The following MAGI3 variants were observed in gnomAD, a reference collection of about 807,000 sequenced individuals.
The protein encoded by MAGI3 is membrane-associated guanylate kinase, WW and PDZ domain-containing protein 3.
MAGI3 carries 43 observed loss-of-function variants against 121.8 expected under a neutral mutation model. The observed-to-expected ratio is 0.35, with a 90% CI of 0.28 to 0.46. The LOEUF is 0.46. MAGI3 is among the 20% of genes least tolerant of loss of function. The probability of loss-of-function intolerance (pLI) is 1.00; values close to 1 mark genes in which losing one functional copy is unlikely to be tolerated. For synonymous variants in MAGI3, 553 were observed against 639.3 expected (o/e 0.86, Z 2.04); for missense variants, 1,547 against 1,797.3 (o/e 0.86, Z 2.52).
chr1:113,504,972 C>G (rs996512307), intron 1 of MAGI3, among the ~76,000 whole-genome samples: 2 of 152,070 alleles, frequency 1.3e-5, no homozygotes, highest in South Asian at 4.1e-4. Context: ...TTTTGTAGAA[C>G]AGTGACCAAA....
At chr1:113,556,684 TC>T (rs1201275234) in intron 2 of MAGI3, among the ~76,000 whole-genome samples, 1 of 151,784 alleles carries the variant, frequency 6.6e-6, no homozygotes, top group Non-Finnish European at 1.5e-5. Flanking sequence ...TGCCTCAACT[TC>T]CTCAGTTACT....
intron 1 of MAGI3, among the ~76,000 whole-genome samples, chr1:113,480,478 A>G (rs961410543): frequency 6.6e-6 from 1 of 152,092 alleles, no homozygotes; most frequent in Non-Finnish European, 1.5e-5. Context: ...ATCTGGGTCC[A>G]CAGGGGTTGA....
intron 8 of MAGI3, among the ~76,000 whole-genome samples, chr1:113,621,595 A>G (rs908392563): frequency 6.6e-6 from 1 of 152,134 alleles, no homozygotes; most frequent in Non-Finnish European, 1.5e-5. Context: ...GTTCATATCA[A>G]CATTATTCAT....
intron 1 of MAGI3, among the ~76,000 whole-genome samples, chr1:113,404,690 A>T: frequency 6.6e-6 from 1 of 152,140 alleles, no homozygotes; most frequent in Non-Finnish European, 1.5e-5. Context: ...TGGAGAGGTC[A>T]TGAGAAACCA....
In MAGI3 at chr1:113,607,423, T is replaced by C. The variant is rs117607613; in HGVS notation, c.1019-7178T>C. 7.6e-4 allele frequency among the ~76,000 whole-genome samples: 115 copies of C among 152,314 alleles called. No homozygotes were observed. In the East Asian group the frequency reaches 0.017, roughly 23 times the overall value. On this transcript the variant is annotated intron_variant, in intron 6 of 20. Coordinates refer to ENST00000307546, the MANE Select transcript of MAGI3 (RefSeq NM_001142782.2). ...ATTTATAGACTAGTTATATAGTTTT[T>C]AAACTAACCTCACATAAAATGGAAA...
At chr1:113,607,778 C>A (rs1439080501) in intron 6 of MAGI3, among the ~76,000 whole-genome samples, 1 of 152,172 alleles carries the variant, frequency 6.6e-6, no homozygotes, top group African/African-American at 2.4e-5. Context: ...AATTTTCTAT[C>A]TATCTCTCCC....
intron 1 of MAGI3, among the ~76,000 whole-genome samples, chr1:113,511,374 G>T (rs1174723958): frequency 6.6e-6 from 1 of 152,188 alleles, no homozygotes; most frequent in Non-Finnish European, 1.5e-5. Flanking sequence ...ACACAAGTTA[G>T]GAAAGAATGA....
At chr1:113,506,343 A>C (rs1055998105) in intron 1 of MAGI3, among the ~76,000 whole-genome samples, 1 of 152,030 alleles carries the variant, frequency 6.6e-6, no homozygotes, top group African/African-American at 2.4e-5. Flanking sequence ...AATTAAAAGG[A>C]GGTTAGTGGT....
At chr1:113,460,867 C>A (rs1319289662) in intron 1 of MAGI3, among the ~76,000 whole-genome samples, 1 of 150,954 alleles carries the variant, frequency 6.6e-6, no homozygotes, top group African/African-American at 2.4e-5. Context: ...CCAGCTGATA[C>A]ACAGCTTCAG....
At chr1:113,522,584 G>A (rs951087145) in intron 1 of MAGI3, among the ~76,000 whole-genome samples, 1 of 152,120 alleles carries the variant, frequency 6.6e-6, no homozygotes, top group African/African-American at 2.4e-5. Flanking sequence ...ACCTCACAGG[G>A]ACCTTGTAAG....
At chr1:113,529,443 G>C (rs1010163171) in intron 1 of MAGI3, among the ~76,000 whole-genome samples, 12 of 152,104 alleles carry the variant, frequency 7.9e-5, no homozygotes, top group Admixed American at 5.2e-4. Flanking sequence ...GAGCTCTCTG[G>C]GTTCTCTTTT....
intron 9 of MAGI3, among the ~76,000 whole-genome samples, chr1:113,626,474 C>G (rs950786449): frequency 6.6e-6 from 1 of 152,190 alleles, no homozygotes. Context: ...ACTGGCATCA[C>G]AGAATGAGTT....
chr1:113,473,774 A>G (rs1655665033), intron 1 of MAGI3, among the ~76,000 whole-genome samples: 1 of 152,218 alleles, frequency 6.6e-6, no homozygotes, highest in Non-Finnish European at 1.5e-5. Context: ...TCCTTTGGGT[A>G]TATACCCAGT....
At chr1:113,461,993 A>T (rs953559058) in intron 1 of MAGI3, among the ~76,000 whole-genome samples, 14 of 152,248 alleles carry the variant, frequency 9.2e-5, no homozygotes, top group Non-Finnish European at 1.9e-4. Context: ...TCATTAGAGA[A>T]ATGCAAATTA....
intron 1 of MAGI3, among the ~76,000 whole-genome samples, chr1:113,547,199 GGTT>G (rs1427514198): frequency 1.3e-5 from 2 of 151,372 alleles, no homozygotes; most frequent in South Asian, 4.2e-4. Context: ...CTAATTTAAT[GGTT>G]GTTATTTTAT....
At chr1:113,625,573 G>A (rs1267746630) in intron 9 of MAGI3, among the ~76,000 whole-genome samples, 3 of 152,120 alleles carry the variant, frequency 2.0e-5, no homozygotes, top group Non-Finnish European at 2.9e-5. Context: ...GAATTTATCA[G>A]TTCTAATAGT....
At chr1:113,597,668 G>A (rs930593013) in intron 6 of MAGI3, among the ~76,000 whole-genome samples, 1 of 152,150 alleles carries the variant, frequency 6.6e-6, no homozygotes, top group African/African-American at 2.4e-5. Flanking sequence ...ACGCTCAGCA[G>A]AAACCTTACA....
intron 17 of MAGI3, 42 bp downstream of exon 17, chr1:113,671,878 T>A (rs530997438): frequency 1.7e-5 from 26 of 1,536,126 alleles, no homozygotes; most frequent in Non-Finnish European, 2.3e-5. Context: ...TTTTTCTTAT[T>A]CTCTCCTTAT....
intron 19 of MAGI3, among the ~76,000 whole-genome samples, chr1:113,674,441 AAACTT>A (rs756889398): frequency 5.2e-4 from 78 of 151,212 alleles, no homozygotes; most frequent in Non-Finnish European, 7.2e-4. Context: ...AAAAAAAAAA[AAACTT>A]AACTCACTGG....
Sources: gnomAD v4.1 joint callset for allele counts (sites outside exome capture counted in the v4.1 genomes callset) on GRCh38, gnomAD v4.1.1 for gene constraint, MANE v1.5 for transcripts, NCBI Gene and HGNC (gene_info 2026-07-23, HGNC 2026-07-21) for gene names.